Variants in RARB observed in about 807,000 individuals in gnomAD.
RARB encodes HBV-activated protein.
A neutral mutation model predicts 51.9 loss-of-function variants in RARB; 17 were observed. The observed-to-expected ratio is 0.33, with a 90% CI of 0.22 to 0.49. The LOEUF is 0.49. Among genes scored for constraint, RARB ranks in the 20% least tolerant of loss-of-function variants. The probability of loss-of-function intolerance (pLI) is 0.99; values close to 1 mark genes in which losing one functional copy is unlikely to be tolerated. For synonymous variants in RARB, 215 were observed against 195.4 expected, an observed-to-expected ratio of 1.10 and a Z score of -0.84; for missense variants, 369 against 550.8, an observed-to-expected ratio of 0.67 and a Z score of 3.30.
At chr3:25,330,184 G>A (rs11707346) in intron 5 of RARB, among the ~76,000 whole-genome samples, 26,064 of 151,852 alleles carry the variant, frequency 0.17, 2,309 homozygotes, top group South Asian at 0.21. Flanking sequence ...GATACTCCCC[G>A]AGAAGAGCAA....
At chr3:24,892,802 C>T (rs1007575683) in intron 2 of RARB, among the ~76,000 whole-genome samples, 1 of 152,182 alleles carries the variant, frequency 6.6e-6, no homozygotes, top group African/African-American at 2.4e-5. Context: ...ACATACCCCT[C>T]AAACATCTTA....
intron 5 of RARB, among the ~76,000 whole-genome samples, chr3:25,223,665 A>G (rs979255918): frequency 2.0e-5 from 3 of 152,222 alleles, no homozygotes; most frequent in Admixed American, 2.0e-4. Context: ...ATCCATGTAC[A>G]GTAGTCATAT....
rs148817825 is a variant in RARB, at chr3:25,209,698, C to G, written c.178+35123C>G. Among the ~76,000 whole-genome samples the G allele has an allele frequency of 3.7e-3, 559 of 152,256 alleles. 2 individuals carry two copies. The highest frequency in any genetic ancestry group is 0.013 in the African/African-American group (544 of 41,536). ...TTATGTCTCTCCTCCATCCCTAGCTCTCCTGCTCCCTGCCACCATGTCACT... is the reference window on the plus strand; with the variant it reads ...TTATGTCTCTCCTCCATCCCTAGCTGTCCTGCTCCCTGCCACCATGTCACT... On this transcript the variant is annotated intron_variant, in intron 5 of 11. Coordinates refer to the RARB transcript ENST00000383772.
intron 3 of RARB, among the ~76,000 whole-genome samples, chr3:25,117,690 G>A (rs1325838827): frequency 6.6e-6 from 1 of 152,178 alleles, no homozygotes; most frequent in African/African-American, 2.4e-5. Context: ...TGCTGAATTT[G>A]AAGCAGAATC....
At chr3:25,037,147 A>G (rs1428298227) in intron 2 of RARB, among the ~76,000 whole-genome samples, 1 of 152,056 alleles carries the variant, frequency 6.6e-6, no homozygotes, top group Non-Finnish European at 1.5e-5. Flanking sequence ...GATTGTTTGG[A>G]CTGTAGAGTG....
At chr3:25,395,701 T>C (rs537682183) in intron 5 of RARB, among the ~76,000 whole-genome samples, 77 of 152,194 alleles carry the variant, frequency 5.1e-4, no homozygotes, top group Admixed American at 1.2e-3. Context: ...GTTGAAACTT[T>C]GCAGTATATT....
At chr3:25,515,353 A>G (rs150076978) in intron 3 of RARB, among the ~76,000 whole-genome samples, 83 of 152,338 alleles carry the variant, frequency 5.4e-4, no homozygotes, top group African/African-American at 1.8e-3. Context: ...CAAAGTTTGG[A>G]AAACTCTTTG....
chr3:25,404,379 A>C (rs745591270), intron 5 of RARB, among the ~76,000 whole-genome samples: 7 of 152,196 alleles, frequency 4.6e-5, no homozygotes, highest in Non-Finnish European at 7.3e-5. Flanking sequence ...TTGACTTGCT[A>C]ATGCTTATTT....
chr3:25,407,316 G>A (rs1050959212), intron 5 of RARB, among the ~76,000 whole-genome samples: 1 of 152,124 alleles, frequency 6.6e-6, no homozygotes, highest in Non-Finnish European at 1.5e-5. Flanking sequence ...CGCAAATTCT[G>A]GTTTGGCCAT....
At chr3:25,519,199 A>G (rs1267222366) in intron 3 of RARB, among the ~76,000 whole-genome samples, 1 of 152,194 alleles carries the variant, frequency 6.6e-6, no homozygotes, top group African/African-American at 2.4e-5. Flanking sequence ...GTTTCTGGTT[A>G]GAAGCTATTA....
Position 25,060,798 on chromosome 3 carries a change from T to TAG in RARB, c.-328+625_-328+626dup, listed in dbSNP as rs1698533844. Among the ~76,000 whole-genome samples the TAG allele has an allele frequency of 1.1e-4, 16 of 151,908 alleles. No homozygotes were observed. In the South Asian group the frequency reaches 3.3e-3, roughly 32 times the overall value. On this transcript the variant is annotated intron_variant, in intron 3 of 11. Coordinates refer to the RARB transcript ENST00000383772. ...TAGGTAGACTCGCTGGCTTCATGAG[T>TAG]AGAGTGTGAGTACTGATACCCAGAT...
intron 3 of RARB, among the ~76,000 whole-genome samples, chr3:25,069,059 T>C (rs1308993672): frequency 6.6e-6 from 1 of 150,744 alleles, no homozygotes; most frequent in Non-Finnish European, 1.5e-5. Context: ...AGACCTCCCA[T>C]ACTCATCATG....
Position 25,532,241 on chromosome 3 carries a change from A to T in RARB, c.448+30918A>T, listed in dbSNP as rs376309832. The stretch of plus-strand genomic sequence containing the variant: ...ATGAATTAGTAGAGTAATATTGAAT[A>T]TCCCTAAACCCCTTATTATGGCTTC... On this transcript the variant is annotated intron_variant, in intron 3 of 7. Transcript: ENST00000330688. 6.6e-5 allele frequency among the ~76,000 whole-genome samples: 10 copies of T among 152,330 alleles called. No individual in the cohort carries two copies. The East Asian group carries it at 1.7e-3, about 26-fold the overall frequency.
chr3:24,894,251 C>A (rs1294639001), intron 2 of RARB, among the ~76,000 whole-genome samples: 3 of 151,794 alleles, frequency 2.0e-5, no homozygotes, highest in Non-Finnish European at 4.4e-5. Flanking sequence ...GGCGATCTTT[C>A]AGCACACTGT....
At chr3:24,868,429 C>T (rs1702889839) in intron 2 of RARB, among the ~76,000 whole-genome samples, 1 of 152,024 alleles carries the variant, frequency 6.6e-6, no homozygotes, top group Non-Finnish European at 1.5e-5. Context: ...GGCTACTTTC[C>T]ATTTCTATTT....
At chr3:25,557,403 C>T (rs1700105817) in intron 3 of RARB, among the ~76,000 whole-genome samples, 1 of 152,158 alleles carries the variant, frequency 6.6e-6, no homozygotes, top group Non-Finnish European at 1.5e-5. Flanking sequence ...ATGGGCTTTT[C>T]CCAAGGCTCT....
At chr3:24,831,166 C>T (rs372377875) in intron 1 of RARB, among the ~76,000 whole-genome samples, 7 of 152,180 alleles carry the variant, frequency 4.6e-5, no homozygotes, top group African/African-American at 1.7e-4. Flanking sequence ...AAGCTTTGAG[C>T]CGGATTAAAT....
intron 5 of RARB, among the ~76,000 whole-genome samples, chr3:25,181,079 C>T (rs1230005998): frequency 2.6e-5 from 4 of 152,104 alleles, no homozygotes; most frequent in Admixed American, 2.6e-4. Flanking sequence ...AAAGTCAGTC[C>T]TCTTTTCATA....
intron 3 of RARB, among the ~76,000 whole-genome samples, chr3:25,537,596 G>C (rs1008100889): frequency 1.8e-4 from 28 of 152,126 alleles, no homozygotes; most frequent in African/African-American, 6.5e-4. Context: ...TCATGAAAAT[G>C]CCTGTGGAAT....
Sources: allele counts gnomAD v4.1 joint callset (sites outside exome capture counted in the v4.1 genomes callset), GRCh38; gene constraint gnomAD v4.1.1; transcripts MANE v1.5; gene names NCBI Gene and HGNC (gene_info 2026-07-23, HGNC 2026-07-21).